Variants in GMPS observed in about 807,000 individuals in gnomAD.
GMPS encodes GMP synthase [glutamine-hydrolyzing].
GMPS carries 15 observed loss-of-function variants against 77.9 expected under a neutral mutation model. That is an observed-to-expected ratio of 0.19 (90% confidence interval 0.13 to 0.30). GMPS has a LOEUF of 0.30. Ranked by LOEUF, GMPS falls within the 10% of genes least tolerant of loss-of-function variation. The pLI, the probability that GMPS is intolerant of heterozygous loss-of-function variation, is 1.00. For synonymous variants in GMPS, 224 were observed against 275.9 expected, an observed-to-expected ratio of 0.81 and a Z score of 1.86; for missense variants, 590 against 838.8, an observed-to-expected ratio of 0.70 and a Z score of 3.66.
intron 12 of GMPS, among the ~76,000 whole-genome samples, chr3:155,929,051 C>T (rs956329581): frequency 6.6e-6 from 1 of 151,526 alleles, no homozygotes; most frequent in African/African-American, 2.4e-5. Context: ...GGTATATACC[C>T]AGTAATGGGA....
chr3:155,887,101 A>G (rs976414995), intron 1 of GMPS, among the ~76,000 whole-genome samples: 2 of 151,892 alleles, frequency 1.3e-5, no homozygotes, highest in Non-Finnish European at 2.9e-5. Flanking sequence ...TGTTTTGGGG[A>G]TTTTTCAGCC....
At chr3:155,915,067 C>CA (rs949189536) in intron 8 of GMPS, among the ~76,000 whole-genome samples, 4 of 151,744 alleles carry the variant, frequency 2.6e-5, no homozygotes, top group Admixed American at 2.0e-4. Context: ...TATGCCCAGC[C>CA]AACTGTTTTA....
intron 2 of GMPS, among the ~76,000 whole-genome samples, chr3:155,896,768 GTTGTA>G (rs1212380627): frequency 8.8e-6 from 1 of 113,470 alleles, no homozygotes; most frequent in Non-Finnish European, 1.8e-5. Context: ...TTTGACTTAT[GTTGTA>G]TTGTTCTTCT....
rs1755902635 is a variant in GMPS, at chr3:155,942,003, C to G, written c.*4311C>G. The G allele has an allele frequency of 4.8e-6, 1 of 207,084 alleles. No homozygotes were observed. Among genetic ancestry groups the G allele is most frequent in the Admixed American group, 5.9e-5 (1 of 16,876 alleles). The allele number at this position is 207,084 out of a possible 1,614,324, so 12.8% of individuals were successfully genotyped here. A position where few individuals can be genotyped will look rare whatever the true frequency, so the allele number is the denominator to read the frequency against. On this transcript the variant is annotated 3_prime_UTR_variant, in exon 16 of 16. Transcript: ENST00000496455. Reference sequence around the variant, plus strand: ...CCTCAACACTGGATGCGTATTATTACATAACCTGAGGAGTTAAAAAATACA... The same window carrying G: ...CCTCAACACTGGATGCGTATTATTAGATAACCTGAGGAGTTAAAAAATACA...
intron 13 of GMPS, among the ~76,000 whole-genome samples, chr3:155,932,551 A>G (rs185986744): frequency 6.6e-6 from 1 of 152,282 alleles, no homozygotes; most frequent in East Asian, 1.9e-4. Flanking sequence ...CCTCAATTTC[A>G]TCGTACCATA....
At chr3:155,879,306 C>T (rs956673017) in intron 1 of GMPS, among the ~76,000 whole-genome samples, 10 of 138,206 alleles carry the variant, frequency 7.2e-5, no homozygotes, top group East Asian at 6.5e-4. Flanking sequence ...GAGTCTCTGT[C>T]GCCCAGGCTG....
At chr3:155,930,024 G>C (rs1459981778) in intron 12 of GMPS, among the ~76,000 whole-genome samples, 19 of 149,614 alleles carry the variant, frequency 1.3e-4, no homozygotes, top group Admixed American at 8.7e-4. Flanking sequence ...AAGTTCATAT[G>C]GAACCAAAAA....
At chr3:155,923,086 A>G (rs1289399739) in intron 11 of GMPS, among the ~76,000 whole-genome samples, 1 of 152,188 alleles carries the variant, frequency 6.6e-6, no homozygotes, top group Non-Finnish European at 1.5e-5. Context: ...GACCCTCAAG[A>G]CTTTACTGGA....
At chr3:155,877,795 GC>G (rs1754087326) in intron 1 of GMPS, among the ~76,000 whole-genome samples, 2 of 119,970 alleles carry the variant, frequency 1.7e-5, no homozygotes, top group African/African-American at 3.1e-5. Context: ...TCACCTTGGG[GC>G]CTTTTTTTTT....
intron 5 of GMPS, among the ~76,000 whole-genome samples, chr3:155,909,324 A>T (rs1754971133): frequency 6.6e-6 from 1 of 152,250 alleles, no homozygotes; most frequent in Non-Finnish European, 1.5e-5. Flanking sequence ...AGAAAGAAAC[A>T]GTATATTCTG....
intron 12 of GMPS, among the ~76,000 whole-genome samples, chr3:155,927,285 A>G (rs1240319089): frequency 6.6e-6 from 1 of 152,194 alleles, no homozygotes; most frequent in Non-Finnish European, 1.5e-5. Context: ...TTACCCTAAT[A>G]TATAAAAATA....
At chr3:155,928,635 A>G (rs1466663532) in intron 12 of GMPS, among the ~76,000 whole-genome samples, 1 of 148,242 alleles carries the variant, frequency 6.7e-6, no homozygotes, top group African/African-American at 2.5e-5. Context: ...CACCGCACCC[A>G]CTAACTCGTC....
At chr3:155,915,641 C>G (rs1156818547) in intron 8 of GMPS, among the ~76,000 whole-genome samples, 1 of 152,198 alleles carries the variant, frequency 6.6e-6, no homozygotes, top group Non-Finnish European at 1.5e-5. Context: ...ACCTTGTGAT[C>G]TGCCTGCCTT....
intron 1 of GMPS, among the ~76,000 whole-genome samples, chr3:155,886,224 TACTC>T (rs1333150178): frequency 6.6e-6 from 1 of 152,094 alleles, no homozygotes; most frequent in East Asian, 1.9e-4. Context: ...CTAGGGATCT[TACTC>T]AACTGTTCAC....
Position 155,893,698 on chromosome 3 carries a change from C to T in GMPS, c.208C>T (p.Arg70Cys), listed in dbSNP as rs557093697. The T allele has an allele frequency of 1.3e-5, 20 of 1,568,152 alleles. No homozygotes were observed. The highest frequency in any genetic ancestry group is 6.8e-5 in the African/African-American group (5 of 73,620). ...PAFAIKEQGF[R>C]AIIISGGPNS... is the part of the protein sequence containing the mutation. ...ATTTGCTATAAAGGAACAAGGATTC[C>T]GGTAGACTTTTCACTAATCTTTTCA... The change falls in exon 2 of 16, where the codon CGT (arginine) becomes TGT (cysteine). Residue 70 changes from arginine (R) to cysteine (C), a missense_variant and splice_region_variant. This residue lies in a region of GMPS where 136 missense variants were observed against 225.6 expected (regional missense o/e 0.60). Coordinates refer to ENST00000496455, the MANE Select transcript of GMPS (RefSeq NM_003875.3).
intron 12 of GMPS, among the ~76,000 whole-genome samples, chr3:155,928,279 G>C (rs991730145): frequency 8.6e-5 from 13 of 150,524 alleles, no homozygotes; most frequent in Admixed American, 2.0e-4. Context: ...CACCCGCCTC[G>C]GCCTCCCAAA....
intron 1 of GMPS, among the ~76,000 whole-genome samples, chr3:155,891,807 T>C (rs1332267417): frequency 6.6e-6 from 1 of 152,012 alleles, no homozygotes; most frequent in Non-Finnish European, 1.5e-5. Context: ...GGTTTTTCCA[T>C]GTTGGTCAGG....
At chr3:155,903,524 G>A (rs562390397) in intron 3 of GMPS, among the ~76,000 whole-genome samples, 6 of 152,274 alleles carry the variant, frequency 3.9e-5, no homozygotes, top group African/African-American at 1.4e-4. Flanking sequence ...CTTTTAAAAT[G>A]CTTTTAAATC....
intron 1 of GMPS, among the ~76,000 whole-genome samples, chr3:155,889,717 G>T (rs1018235335): frequency 6.6e-6 from 1 of 152,146 alleles, no homozygotes. Flanking sequence ...GAATCTGCTA[G>T]ATCTTCTTAC....
Sources: gnomAD v4.1 joint callset for allele counts (sites outside exome capture counted in the v4.1 genomes callset) on GRCh38, gnomAD v4.1.1 for gene constraint, gnomAD v4.1.1 regional missense constraint, MANE v1.5 for transcripts, NCBI Gene and HGNC (gene_info 2026-07-23, HGNC 2026-07-21) for gene names.